RANBP10: variants seen among roughly 807,000 people sequenced by gnomAD.
RANBP10 encodes ran-binding protein 10.
In RANBP10, 24 loss-of-function variants were observed where a neutral mutation model predicts 72.8. The ratio of observed to expected loss-of-function variants is 0.33; its 90% CI spans 0.24 to 0.46. The LOEUF (loss-of-function observed/expected upper bound fraction) is 0.46. Ranked by LOEUF, RANBP10 falls within the 20% of genes least tolerant of loss-of-function variation. RANBP10 has a pLI of 1.00. For missense variants in RANBP10, 679 were observed against 817.5 expected (o/e 0.83, Z 2.07); for synonymous variants, 310 against 322.3 (o/e 0.96, Z 0.41).
At chr16:67,765,199 C>CAAAAAAA (rs569942198) in intron 3 of RANBP10, among the ~76,000 whole-genome samples, 5 of 11,638 alleles carry the variant, frequency 4.3e-4, no homozygotes, top group Non-Finnish European at 6.5e-4. Context: ...GACTCCATCT[C>CAAAAAAA]AAAAAAAAAA....
intron 2 of RANBP10, among the ~76,000 whole-genome samples, chr16:67,775,812 A>T (rs77909731): frequency 6.8e-6 from 1 of 146,722 alleles, no homozygotes; most frequent in Non-Finnish European, 1.5e-5. Context: ...AAAAAAAAAA[A>T]ACTGGAAAGA....
chr16:67,750,528 G>A (rs1454899255), intron 3 of RANBP10, among the ~76,000 whole-genome samples: 1 of 152,146 alleles, frequency 6.6e-6, no homozygotes, highest in African/African-American at 2.4e-5. Context: ...CTTGGTACAG[G>A]GGCCAAATGA....
At chr16:67,728,253 TAAGGAGGCTGTGGACCAGG>T in intron 11 of RANBP10, 118 bp downstream of exon 11, 1 of 949,874 alleles carries the variant, frequency 1.1e-6, no homozygotes, top group Non-Finnish European at 1.6e-6. Context: ...CACAATCGGC[TAAGGAGGCTGTGGACCAGG>T]TCTGGCTGAA....
chr16:67,772,391 G>A (rs1007870167), intron 2 of RANBP10, among the ~76,000 whole-genome samples: 5 of 152,134 alleles, frequency 3.3e-5, no homozygotes, highest in African/African-American at 9.7e-5. Context: ...TGGCATTCTG[G>A]CTGTAGCTAA....
intron 2 of RANBP10, among the ~76,000 whole-genome samples, chr16:67,776,404 T>C (rs1411180792): frequency 7.0e-6 from 1 of 142,242 alleles, no homozygotes; most frequent in Non-Finnish European, 1.5e-5. Flanking sequence ...AGAGGTTGCT[T>C]TGAGCTGAGA....
At chr16:67,773,151 AG>A (rs2054638095) in intron 2 of RANBP10, among the ~76,000 whole-genome samples, 1 of 152,178 alleles carries the variant, frequency 6.6e-6, no homozygotes, top group Non-Finnish European at 1.5e-5. Context: ...TCATGGGGAT[AG>A]ATCCTTCATG....
intron 4 of RANBP10, among the ~76,000 whole-genome samples, chr16:67,742,190 G>A (rs1490267838): frequency 2.6e-5 from 4 of 151,840 alleles, no homozygotes; most frequent in Admixed American, 6.6e-5. Context: ...GAATACAGGC[G>A]TGAGCCACCG....
At chr16:67,743,300 T>C (rs1158784684) in intron 4 of RANBP10, among the ~76,000 whole-genome samples, 1 of 152,202 alleles carries the variant, frequency 6.6e-6, no homozygotes, top group African/African-American at 2.4e-5. Flanking sequence ...GCAGCTGGGC[T>C]GGTAGAGTTC....
intron 3 of RANBP10, among the ~76,000 whole-genome samples, chr16:67,762,982 T>C (rs1404911703): frequency 6.6e-6 from 1 of 152,002 alleles, no homozygotes; most frequent in Non-Finnish European, 1.5e-5. Flanking sequence ...TGAGTGGGGA[T>C]CAAGGAGGAA....
intron 2 of RANBP10, among the ~76,000 whole-genome samples, chr16:67,782,181 C>G (rs188585857): frequency 1.7e-4 from 26 of 152,294 alleles, no homozygotes; most frequent in African/African-American, 6.0e-4. Flanking sequence ...CACTCTGTCT[C>G]CCAAGCTGGA....
chr16:67,744,596 C>T, intron 3 of RANBP10, 141 bp from the exon 4 acceptor site: 1 of 868,316 alleles, frequency 1.2e-6, no homozygotes, highest in South Asian at 1.8e-5. Context: ...GCAGAGCCAC[C>T]AATAGACAGA....
chr16:67,726,967 A>C (rs1318301068), intron 13 of RANBP10, among the ~76,000 whole-genome samples: 1 of 152,204 alleles, frequency 6.6e-6, no homozygotes, highest in Non-Finnish European at 1.5e-5. Context: ...GGAACCACCC[A>C]GGTAGCTATG....
At chr16:67,776,899 T>C (rs906670703) in intron 2 of RANBP10, among the ~76,000 whole-genome samples, 28 of 152,076 alleles carry the variant, frequency 1.8e-4, no homozygotes, top group African/African-American at 6.0e-4. Context: ...ACAATTCCAT[T>C]TCCAATAGCA....
intron 2 of RANBP10, among the ~76,000 whole-genome samples, chr16:67,784,171 T>C (rs1352888467): frequency 2.6e-5 from 4 of 152,164 alleles, no homozygotes; most frequent in African/African-American, 9.7e-5. Context: ...AAAAGGATTA[T>C]ATACCACAAC....
chr16:67,731,453 A>G lies in RANBP10; in HGVS notation c.889+19T>C. ...GGGACAGGTGAGGAAGGGAAAGGGG[A>G]AAGTAGAATAAACCTTACTTTGTCT... is the stretch of plus-strand genomic sequence containing the variant. On this transcript the variant is annotated intron_variant, in intron 7 of 13. Transcript: ENST00000317506. The G allele has an allele frequency of 6.3e-7, 1 of 1,590,050 alleles. No individual in the cohort carries two copies. The highest frequency in any genetic ancestry group is 2.2e-5 in the East Asian group (1 of 44,744).
intron 3 of RANBP10, among the ~76,000 whole-genome samples, chr16:67,766,723 G>A (rs1161371594): frequency 6.6e-6 from 1 of 152,058 alleles, no homozygotes; most frequent in East Asian, 1.9e-4. Flanking sequence ...CCAGCCTCAG[G>A]TATTCCTTGA....
intron 3 of RANBP10, among the ~76,000 whole-genome samples, chr16:67,758,693 T>C (rs2054336773): frequency 1.3e-5 from 2 of 152,242 alleles, no homozygotes; most frequent in South Asian, 4.1e-4. Flanking sequence ...ACTGGCCCTC[T>C]GCTGTCGATG....
chr16:67,731,959 C>T (rs2053742325), intron 6 of RANBP10, among the ~76,000 whole-genome samples: 1 of 152,230 alleles, frequency 6.6e-6, no homozygotes, highest in South Asian at 2.1e-4. Flanking sequence ...CCAATAGTCT[C>T]ACTGATAGCT....
chr16:67,728,657 T>TG, intron 10 of RANBP10, 146 bp from the exon 11 acceptor site: 1 of 1,446,212 alleles, frequency 6.9e-7, no homozygotes, highest in African/African-American at 1.4e-5. Context: ...GGCTTCCAAG[T>TG]CTTCAGCACT....
Sources: allele counts gnomAD v4.1 joint callset (sites outside exome capture counted in the v4.1 genomes callset), GRCh38; gene constraint gnomAD v4.1.1; transcripts MANE v1.5; gene names NCBI Gene and HGNC (gene_info 2026-07-23, HGNC 2026-07-21).